TASOR: variants seen among roughly 807,000 people sequenced by gnomAD.
TASOR encodes transcription activation suppressor, also known as protein TASOR.
A neutral mutation model predicts 178.6 loss-of-function variants in TASOR; 53 were observed. The observed-to-expected ratio is 0.30, with a 90% CI of 0.24 to 0.37. The LOEUF is 0.37. Ranked by LOEUF, TASOR falls within the 10% of genes least tolerant of loss-of-function variation. The pLI is 1.00. For synonymous variants in TASOR, 713 were observed against 696.2 expected (o/e 1.02, Z -0.38); for missense variants, 1,815 against 1,971.4 (o/e 0.92, Z 1.50).
rs2077576507 is a variant in TASOR at position 56,660,712 on chromosome 3, T to TA, written c.1368+18dup. ...ATTTGTAACAAAGAATGAGAAACAT[T>TA]AAAAAACTTTTCACTCACAAGTTTT... On this transcript the variant is annotated intron_variant, in intron 11 of 23. Transcript: ENST00000683822. The TA allele has an allele frequency of 6.3e-7, 1 of 1,575,724 alleles. No individual in the cohort carries two copies. Among genetic ancestry groups the TA allele is most frequent in the Non-Finnish European group, 8.7e-7 (1 of 1,148,598 alleles).
intron 9 of TASOR, among the ~76,000 whole-genome samples, chr3:56,661,558 G>A (rs1409596058): frequency 6.6e-6 from 1 of 152,118 alleles, no homozygotes; most frequent in African/African-American, 2.4e-5. Flanking sequence ...CTAAAAGGCT[G>A]TCATTTTATT....
chr3:56,683,200 C>T lies in TASOR; in HGVS notation c.-194G>A, dbSNP rs553036816. 29 of 545,778 alleles carry T rather than the reference C, an allele frequency of 5.3e-5. No homozygotes were observed. Among genetic ancestry groups the T allele is most frequent in the Admixed American group, 4.5e-4 (13 of 29,020 alleles). The allele number at this position is 545,778 out of a possible 1,614,324, so 33.8% of individuals were successfully genotyped here. On this transcript the variant is annotated 5_prime_UTR_variant, in exon 1 of 24. Transcript: ENST00000683822. ...TAGCGGGCACCCCAAATGCGCTGCC[C>T]GGTCCTCGGAGCCGCTCCTCCCTCG... is the stretch of plus-strand genomic sequence containing the variant.
intron 11 of TASOR, among the ~76,000 whole-genome samples, chr3:56,659,638 GTAAC>G (rs1451316559): frequency 2.0e-5 from 3 of 152,124 alleles, no homozygotes; most frequent in African/African-American, 7.2e-5. Flanking sequence ...TTATTCTCGA[GTAAC>G]TAACGTAATT....
Position 56,683,122 on chromosome 3 carries a change from C to T in TASOR, c.-116G>A. On this transcript the variant is annotated 5_prime_UTR_variant, in exon 1 of 24. Coordinates refer to ENST00000683822, the MANE Select transcript of TASOR (RefSeq NM_001365635.2). ...TGCTCTCAGCCCACCCACCCCCTTC[C>T]CCCCGTGGCCTCAGGCTGCGCTCCC... is the stretch of plus-strand genomic sequence containing the variant. 8.2e-7 allele frequency: 1 copy of T among 1,220,400 alleles called. No individual in the cohort carries two copies. The highest frequency in any genetic ancestry group is 1.1e-6 in the Non-Finnish European group (1 of 904,680). The allele number at this position is 1,220,400 out of a possible 1,614,324, so 75.6% of individuals were successfully genotyped here.
intron 18 of TASOR, among the ~76,000 whole-genome samples, chr3:56,632,687 A>G (rs2076940887): frequency 1.3e-5 from 2 of 152,144 alleles, no homozygotes; most frequent in South Asian, 2.1e-4. Flanking sequence ...GTCTGACTCT[A>G]TTACCTAGGC....
At position 56,624,547 on chromosome 3, in the gene TASOR, T is replaced by G. The variant is rs1214779766; in HGVS notation, c.4415A>C (p.Tyr1472Ser). The G allele has an allele frequency of 1.9e-6, 3 of 1,614,140 alleles. No homozygotes were observed. In the South Asian group the frequency reaches 3.3e-5, roughly 18 times the overall value. ...GTTTTCTTCTGTGATTGAATTGTGA[T>G]AGCCCACAAGATTTTTAAAGTTTTG... ...FMQNFKNLVG[Y>S]HNSITEENLP... is the part of the protein sequence containing the mutation. The change falls in exon 23 of 24, where the codon TAT becomes TCT. Residue 1472 changes from tyrosine (Y) to serine (S), a missense_variant. Physicochemically the swap from Tyr to Ser is moderately radical, Grantham distance 144. Around this residue, in one of 5 missense-constraint regions of TASOR, gnomAD observed 278 missense variants for 257.1 expected, o/e 1.08. Coordinates refer to ENST00000683822, the MANE Select transcript of TASOR (RefSeq NM_001365635.2).
At chr3:56,661,128 G>A (rs1206464901) in intron 9 of TASOR, 111 bp from the exon 10 acceptor site, 8 of 658,338 alleles carry the variant, frequency 1.2e-5, no homozygotes, top group South Asian at 5.9e-5. Flanking sequence ...GCATATCTAC[G>A]AATATCTCAC....
At position 56,622,482 on chromosome 3, in the gene TASOR, T is replaced by C. The variant is rs1162083899; in HGVS notation, c.*555A>G. The C allele has an allele frequency of 6.6e-6, 1 of 152,618 alleles. No individual in the cohort carries two copies. The highest frequency in any genetic ancestry group is 1.9e-4 in the East Asian group (1 of 5,202). The allele number at this position is 152,618 out of a possible 1,614,324, so 9.5% of individuals were successfully genotyped here. ...CAAAAAGTTACCAGAATTTTAGCAA[T>C]AGGCAGTTTTTACATGACTAAGCCT... On this transcript the variant is annotated 3_prime_UTR_variant, in exon 24 of 24. Coordinates refer to ENST00000683822, the MANE Select transcript of TASOR (RefSeq NM_001365635.2).
intron 2 of TASOR, among the ~76,000 whole-genome samples, chr3:56,672,282 C>T (rs915552091): frequency 6.6e-6 from 1 of 152,140 alleles, no homozygotes; most frequent in African/African-American, 2.4e-5. Flanking sequence ...CAGGCTATTA[C>T]TGCTCTTTAA....
At chr3:56,658,865 GAC>G (rs1488342934) in intron 11 of TASOR, among the ~76,000 whole-genome samples, 8 of 152,002 alleles carry the variant, frequency 5.3e-5, no homozygotes, top group African/African-American at 1.9e-4. Context: ...AGTGAGCTGA[GAC>G]TGTGCCACTG....
At chr3:56,671,484 C>T (rs1393457761) in intron 3 of TASOR, 116 bp downstream of exon 3, 1 of 667,458 alleles carries the variant, frequency 1.5e-6, no homozygotes, top group Non-Finnish European at 2.4e-6. Flanking sequence ...ATCATGTATT[C>T]CACTTATATA....
In TASOR at chr3:56,671,585, A is replaced by G. The variant is rs897429435; in HGVS notation, c.570+15T>C. ...AACATCCCCAAATTGTTTTTTATAA[A>G]ATGCGTTAACTCACCTGGTATCGAT... On this transcript the variant is annotated intron_variant, in intron 3 of 23. Transcript: ENST00000683822. 4.6e-6 allele frequency: 7 copies of G among 1,521,836 alleles called. No individual in the cohort carries two copies. The African/African-American group carries it at 9.7e-5, about 21-fold the overall frequency. The allele number at this position is 1,521,836 out of a possible 1,614,324, so 94.3% of individuals were successfully genotyped here. A position where few individuals can be genotyped will look rare whatever the true frequency, so the allele number is the denominator to read the frequency against.
chr3:56,622,814 A>G lies in TASOR; in HGVS notation c.*223T>C. The G allele has an allele frequency of 3.1e-6, 1 of 320,252 alleles. No homozygotes were observed. Among genetic ancestry groups the G allele is most frequent in the East Asian group, 5.1e-5 (1 of 19,420 alleles). The allele number at this position is 320,252 out of a possible 1,614,324, so 19.8% of individuals were successfully genotyped here. ...AGCCTAAGTACAGGTAACATACAAA[A>G]AGTAAAACTTAGAAGTGCCAACATG... On this transcript the variant is annotated 3_prime_UTR_variant, in exon 24 of 24. Transcript: ENST00000683822.
In TASOR at chr3:56,624,625, A is replaced by T; in HGVS notation, c.4337T>A (p.Leu1446His). ...TATTCCATTATCTGTATAACTGGAAAGCATCTTGATGTTCTTCTCTAAATT... is the reference window on the plus strand; with the variant it reads ...TATTCCATTATCTGTATAACTGGAATGCATCTTGATGTTCTTCTCTAAATT... ...VFLTEKNIKM[L>H]SSYTDNGIVV... The change falls in exon 23 of 24, where the codon CTT (leucine) becomes CAT (histidine). Residue 1446 changes from leucine to histidine, a missense_variant. Transcript: ENST00000683822. 2 of 1,612,238 alleles carry T rather than the reference A, an allele frequency of 1.2e-6. No individual in the cohort carries two copies. Among genetic ancestry groups the T allele is most frequent in the Non-Finnish European group, 8.5e-7 (1 of 1,179,562 alleles).
rs770552974 is a variant in TASOR at position 56,641,450 on chromosome 3, C to T, written c.2518G>A (p.Gly840Ser). 1 of 1,613,140 alleles carries T rather than the reference C, an allele frequency of 6.2e-7. No individual in the cohort carries two copies. Among genetic ancestry groups the T allele is most frequent in the East Asian group, 2.2e-5 (1 of 44,832 alleles). Reference sequence around the variant, plus strand: ...ACTTCTAGTAATAAGCTCTGAGTACCCTTAAACTGTGCATTTTCAACTTTT... The same window carrying T: ...ACTTCTAGTAATAAGCTCTGAGTACTCTTAAACTGTGCATTTTCAACTTTT... The part of the protein sequence containing the change: ...CAKVENAQFK[G>S]TQSLLLEVDA... The change falls in exon 15 of 24, where the codon GGT becomes AGT. Residue 840 changes from glycine to serine, a missense_variant. By Grantham distance (56) the Gly-to-Ser change is moderately conservative. Around this residue, in one of 5 missense-constraint regions of TASOR, gnomAD observed 655 missense variants for 671.1 expected, o/e 0.98. Coordinates refer to ENST00000683822, the MANE Select transcript of TASOR (RefSeq NM_001365635.2).
chr3:56,679,688 G>A (rs189532231), intron 1 of TASOR, among the ~76,000 whole-genome samples: 2 of 152,238 alleles, frequency 1.3e-5, no homozygotes, highest in African/African-American at 4.8e-5. Context: ...TTTCCAGAAA[G>A]TGAATCATCG....
chr3:56,623,635 A>G (rs1332716043), intron 23 of TASOR, 69 bp from the exon 24 acceptor site: 7 of 1,539,308 alleles, frequency 4.5e-6, no homozygotes, highest in Admixed American at 2.2e-5. Context: ...AAAATTATAC[A>G]CTACTCACAC....
In TASOR at chr3:56,668,558, C is replaced by A. The variant is rs1427871980; in HGVS notation, c.736G>T (p.Gly246Cys). Reference protein sequence around the residue: ...GDVVIFKIMKGKIKSIYDPMG... With the variant: ...GDVVIFKIMKCKIKSIYDPMG... ...GGGTCATATATACTCTTTATTTTACCCTAAAATAGAGAAAACCTTTTAAGT... is the reference window on the plus strand; with the variant it reads ...GGGTCATATATACTCTTTATTTTACACTAAAATAGAGAAAACCTTTTAAGT... The change falls in exon 6 of 24, where the codon GGT (glycine) becomes TGT (cysteine). Residue 246 changes from glycine (G) to cysteine (C), a missense_variant and splice_region_variant. By Grantham distance (159) the Gly-to-Cys change is radical. Around this residue, in one of 5 missense-constraint regions of TASOR, gnomAD observed 504 missense variants for 645.3 expected, o/e 0.78. Coordinates refer to ENST00000683822, the MANE Select transcript of TASOR (RefSeq NM_001365635.2). The A allele has an allele frequency of 6.5e-7, 1 of 1,532,032 alleles. No homozygotes were observed. 94.9% of individuals were successfully genotyped at this position (1,532,032 alleles called of 1,614,324 possible).
intron 8 of TASOR, 80 bp from the exon 9 acceptor site, chr3:56,662,570 C>T (rs979183812): frequency 2.7e-5 from 15 of 556,810 alleles, no homozygotes; most frequent in South Asian, 2.1e-4. Context: ...AGAAATGAGA[C>T]GGAAAATATC....
Sources: allele counts gnomAD v4.1 joint callset (sites outside exome capture counted in the v4.1 genomes callset), GRCh38; gene constraint gnomAD v4.1.1; regional missense constraint gnomAD v4.1.1; transcripts MANE v1.5; gene names NCBI Gene and HGNC (gene_info 2026-07-23, HGNC 2026-07-21).